LCORL: variants seen among roughly 807,000 people sequenced by gnomAD.
LCORL encodes the protein ligand-dependent nuclear receptor corepressor-like protein.
A neutral mutation model predicts 141.8 loss-of-function variants in LCORL; 41 were observed. That is an observed-to-expected ratio of 0.29 (90% CI 0.23 to 0.38). LCORL has a LOEUF of 0.38. Ranked by LOEUF, LCORL falls within the 10% of genes least tolerant of loss-of-function variation. The pLI is 1.00. For missense variants in LCORL, 1,759 were observed against 2,035.0 expected, an observed-to-expected ratio of 0.86 and a Z score of 2.61; for synonymous variants, 618 against 694.1, an observed-to-expected ratio of 0.89 and a Z score of 1.72.
At chr4:17,886,212 C>A (rs369059482) in intron 5 of LCORL, 51 bp from the exon 6 acceptor site, 71 of 871,440 alleles carry the variant, frequency 8.1e-5, no homozygotes, top group Non-Finnish European at 1.2e-4. Context: ...GATAGGCAAT[C>A]CTTACATTTT....
At chr4:17,920,958 A>G (rs908655635) in intron 4 of LCORL, among the ~76,000 whole-genome samples, 1 of 152,176 alleles carries the variant, frequency 6.6e-6, no homozygotes, top group Non-Finnish European at 1.5e-5. Context: ...ACTTTTTCCA[A>G]ATCAACTTCT....
chr4:17,959,379 T>A (rs1311706132), intron 4 of LCORL, among the ~76,000 whole-genome samples: 4 of 152,200 alleles, frequency 2.6e-5, no homozygotes, highest in East Asian at 3.9e-4. Flanking sequence ...TTTTTGAACT[T>A]CTTCTGGACG....
intron 4 of LCORL, among the ~76,000 whole-genome samples, chr4:17,929,197 A>T (rs1403933422): frequency 6.6e-6 from 1 of 152,214 alleles, no homozygotes; most frequent in Non-Finnish European, 1.5e-5. Context: ...TTAAGATGGT[A>T]ATACTCCCCA....
intron 4 of LCORL, chr4:17,911,765 G>A (rs1732574675): frequency 2.2e-6 from 1 of 459,296 alleles, no homozygotes; most frequent in African/African-American, 2.0e-5. Flanking sequence ...CTGGTCAGCA[G>A]CGTGGCTGGC....
chr4:17,845,929 G>A (rs1560242819), intron 7 of LCORL, 28 bp from the exon 8 acceptor site: 1 of 1,554,696 alleles, frequency 6.4e-7, no homozygotes, highest in Non-Finnish European at 8.7e-7. Flanking sequence ...AGGCATTTTA[G>A]TTTTACTTTA....
rs140827936 is a variant in LCORL at position 17,939,099 on chromosome 4, C to G, written c.430+22804G>C. Among the ~76,000 whole-genome samples the G allele has an allele frequency of 2.9e-3, 437 of 152,106 alleles. 3 individuals are homozygous for G. Among genetic ancestry groups the G allele is most frequent in the African/African-American group, 1.0e-2 (413 of 41,498 alleles). ...TACAAATCAACAGAAAGCAAACAAC[C>G]CAATTAAAAATGAGCAAATGACTTG... is the stretch of plus-strand genomic sequence containing the variant. On this transcript the variant is annotated intron_variant, in intron 4 of 7. Transcript: ENST00000635767.
chr4:17,909,145 C>G, exon 5 of LCORL: 2 of 1,612,930 alleles, frequency 1.2e-6, no homozygotes, highest in East Asian at 2.2e-5. Flanking sequence ...TCTAAGGGGC[C>G]TTCCTGCTCT....
intron 4 of LCORL, among the ~76,000 whole-genome samples, chr4:17,943,823 G>C (rs1429351916): frequency 6.6e-6 from 1 of 152,022 alleles, no homozygotes; most frequent in Non-Finnish European, 1.5e-5. Flanking sequence ...GTAGGTTAAG[G>C]GGTACAGACA....
exon 7 of LCORL, chr4:17,877,064 T>G (rs1727000042): frequency 1.6e-6 from 2 of 1,230,676 alleles, no homozygotes; most frequent in Non-Finnish European, 2.0e-6. Flanking sequence ...ATTTTTTTCT[T>G]GTAAAATTTT....
intron 2 of LCORL, among the ~76,000 whole-genome samples, chr4:17,968,348 T>C (rs1194295358): frequency 6.6e-6 from 1 of 152,194 alleles, no homozygotes; most frequent in Non-Finnish European, 1.5e-5. Context: ...AATCATCAAT[T>C]CATATTAGAA....
intron 7 of LCORL, among the ~76,000 whole-genome samples, chr4:17,846,906 T>C (rs1477605642): frequency 1.3e-5 from 2 of 152,226 alleles, no homozygotes; most frequent in Non-Finnish European, 2.9e-5. Context: ...AATAGTCTGA[T>C]AACCCCCTCT....
intron 4 of LCORL, among the ~76,000 whole-genome samples, chr4:17,938,541 C>T (rs922306220): frequency 2.0e-5 from 3 of 151,262 alleles, no homozygotes; most frequent in African/African-American, 4.9e-5. Flanking sequence ...GTCAGCCTCC[C>T]GAGTAGCTGA....
exon 6 of LCORL, chr4:17,886,107 G>A: frequency 1.2e-6 from 2 of 1,604,974 alleles, no homozygotes; most frequent in Non-Finnish European, 1.7e-6. Context: ...ACATATGGAT[G>A]ACTCTTCAGA....
rs560834441 is a variant in LCORL at position 17,870,133 on chromosome 4, T to C, written c.5602+3255A>G. ...GCCTCAGTTCTGATAAATTACTCAA[T>C]ATTCCACATATGCTTGCTCTTTTTT... On this transcript the variant is annotated intron_variant, in intron 7 of 7. Transcript: ENST00000635767. 1.3e-3 allele frequency among the ~76,000 whole-genome samples: 191 copies of C among 152,262 alleles called. 2 individuals are homozygous for C. Among genetic ancestry groups the C allele is most frequent in the Non-Finnish European group, 2.4e-3 (161 of 68,018 alleles).
At chr4:17,943,785 T>C (rs968380872) in intron 4 of LCORL, among the ~76,000 whole-genome samples, 2 of 152,114 alleles carry the variant, frequency 1.3e-5, no homozygotes, top group African/African-American at 4.8e-5. Context: ...CTTTGGTTTT[T>C]AAAACATTTT....
intron 1 of LCORL, among the ~76,000 whole-genome samples, chr4:18,015,913 T>C (rs888716205): frequency 5.9e-5 from 9 of 151,572 alleles, no homozygotes; most frequent in African/African-American, 2.2e-4. Context: ...AGTTACCACA[T>C]AGCCAAAAGA....
chr4:17,849,909 C>T (rs1053114035), intron 7 of LCORL, among the ~76,000 whole-genome samples: 1 of 151,806 alleles, frequency 6.6e-6, no homozygotes, highest in Non-Finnish European at 1.5e-5. Flanking sequence ...ACCAAAACAG[C>T]ATGGTACTGG....
Position 17,866,095 on chromosome 4 carries a change from TCTC to T in LCORL, c.5602+7290_5602+7292del, listed in dbSNP as rs1725611402. ...TCAATCCTCCCTACATCTGACATCATCTCCTTCTTTCTTGACTAGACACACTGG... is the reference window on the plus strand; with the variant it reads ...TCAATCCTCCCTACATCTGACATCATCTTCTTTCTTGACTAGACACACTGG... On this transcript the variant is annotated intron_variant, in intron 7 of 7. Transcript: ENST00000635767. Among the ~76,000 whole-genome samples the T allele has an allele frequency of 2.0e-5, 3 of 152,030 alleles. No individual in the cohort carries two copies. The South Asian group carries it at 6.2e-4, about 32-fold the overall frequency.
At chr4:17,881,606 C>T in intron 6 of LCORL, 1 of 981,186 alleles carries the variant, frequency 1.0e-6, no homozygotes, top group Non-Finnish European at 1.2e-6. Flanking sequence ...TTTATGAATC[C>T]TGTAAAGTTT....
Sources: allele counts gnomAD v4.1 joint callset (sites outside exome capture counted in the v4.1 genomes callset), GRCh38; gene constraint gnomAD v4.1.1; transcripts MANE v1.5; gene names NCBI Gene and HGNC (gene_info 2026-07-23, HGNC 2026-07-21).